ANO10: variants seen among roughly 807,000 people sequenced by gnomAD.
ANO10 encodes anoctamin 10.
In ANO10, 77 loss-of-function variants were observed where a neutral mutation model predicts 74.7. That is an observed-to-expected ratio of 1.03 (90% CI 0.86 to 1.25). The LOEUF (loss-of-function observed/expected upper bound fraction) is 1.25. Among genes scored for constraint, ANO10 ranks in the 50% most tolerant of loss-of-function variants. ANO10 has a pLI of 0.00. For synonymous variants in ANO10, 279 were observed against 284.9 expected (o/e 0.98, Z 0.21); for missense variants, 721 against 778.1 (o/e 0.93, Z 0.87).
intron 11 of ANO10, among the ~76,000 whole-genome samples, chr3:43,480,709 G>A (rs1260023190): frequency 6.6e-6 from 1 of 152,160 alleles, no homozygotes; most frequent in Non-Finnish European, 1.5e-5. Flanking sequence ...CAGTCTGGAG[G>A]TGAACTGCCC....
At chr3:43,653,962 C>T (rs1467797876) in intron 1 of ANO10, among the ~76,000 whole-genome samples, 2 of 151,394 alleles carry the variant, frequency 1.3e-5, no homozygotes, top group Admixed American at 1.3e-4. Context: ...GAAGCATCAC[C>T]TCCTTTTTCT....
intron 5 of ANO10, 52 bp downstream of exon 5, chr3:43,580,301 C>A: frequency 1.2e-6 from 2 of 1,611,620 alleles, no homozygotes; most frequent in South Asian, 2.2e-5. Flanking sequence ...TAGATCGTAA[C>A]TTTTCATCAG....
At chr3:43,684,789 G>A (rs1013928473) in intron 1 of ANO10, among the ~76,000 whole-genome samples, 1 of 152,160 alleles carries the variant, frequency 6.6e-6, no homozygotes, top group Non-Finnish European at 1.5e-5. Flanking sequence ...TAGGGACATG[G>A]ATGAAGCTGG....
At chr3:43,524,036 C>T (rs572939562) in intron 11 of ANO10, among the ~76,000 whole-genome samples, 5 of 152,068 alleles carry the variant, frequency 3.3e-5, no homozygotes, top group African/African-American at 4.8e-5. Flanking sequence ...CACCTAGGGG[C>T]TACACCTGGA....
chr3:43,416,901 T>A (rs185721053), intron 12 of ANO10, among the ~76,000 whole-genome samples: 109 of 152,344 alleles, frequency 7.2e-4, no homozygotes, highest in African/African-American at 2.5e-3. Context: ...ATCCACTCTG[T>A]GTACCTAACA....
intron 11 of ANO10, among the ~76,000 whole-genome samples, chr3:43,479,687 T>C (rs2076195066): frequency 6.6e-6 from 1 of 152,190 alleles, no homozygotes; most frequent in Non-Finnish European, 1.5e-5. Flanking sequence ...GACTTCTGGA[T>C]TAAACAGATG....
chr3:43,438,273 A>G (rs367717099), intron 11 of ANO10, among the ~76,000 whole-genome samples: 2 of 152,124 alleles, frequency 1.3e-5, no homozygotes, highest in Non-Finnish European at 2.9e-5. Context: ...CTCTACAAAA[A>G]TAAAAATAAA....
At position 43,432,610 on chromosome 3, in the gene ANO10, C is replaced by A; in HGVS notation, c.1914+1G>T. ...TACATTTTCAGGACAGCTGCTCTCACCTGCTGCTTGAGTGCCTCCAAAGAC... is the reference window on the plus strand; with the variant it reads ...TACATTTTCAGGACAGCTGCTCTCAACTGCTGCTTGAGTGCCTCCAAAGAC... On this transcript the variant is annotated splice_donor_variant, in intron 12 of 12. Coordinates refer to ENST00000292246, the MANE Select transcript of ANO10 (RefSeq NM_018075.5). LOFTEE classifies it high-confidence loss of function. 1.2e-6 allele frequency: 2 copies of A among 1,601,976 alleles called. No homozygotes were observed. Among genetic ancestry groups the A allele is most frequent in the Non-Finnish European group, 1.7e-6 (2 of 1,168,932 alleles).
rs34174829 is a variant in ANO10 at position 43,406,905 on chromosome 3, A to ATT, written c.1914+25704_1914+25705dup. 3.5e-5 allele frequency among the ~76,000 whole-genome samples: 5 copies of ATT among 143,322 alleles called. 1 individual carries two copies. Among genetic ancestry groups the ATT allele is most frequent in the African/African-American group, 7.7e-5 (3 of 38,932 alleles). 94.0% of individuals were successfully genotyped at this position (143,322 alleles called of 152,430 possible). Reference sequence around the variant, plus strand: ...GTGCACGCTGAGTCTCGCAACAGAGATTTTTTTTTTTTTTTTGAGAGGGAA... The same window carrying ATT: ...GTGCACGCTGAGTCTCGCAACAGAGATTTTTTTTTTTTTTTTTTGAGAGGGAA... On this transcript the variant is annotated intron_variant, in intron 12 of 12. Coordinates refer to ENST00000292246, the MANE Select transcript of ANO10 (RefSeq NM_018075.5).
intron 11 of ANO10, among the ~76,000 whole-genome samples, chr3:43,511,045 A>G (rs948336807): frequency 1.3e-5 from 2 of 152,240 alleles, no homozygotes; most frequent in Non-Finnish European, 2.9e-5. Flanking sequence ...AGTTTGATTA[A>G]TGTGTCCAAT....
At chr3:43,375,472 A>G (rs150847340) in intron 12 of ANO10, among the ~76,000 whole-genome samples, 2 of 152,316 alleles carry the variant, frequency 1.3e-5, no homozygotes, top group African/African-American at 4.8e-5. Context: ...CAAGTTTTAA[A>G]AAATATCCAG....
chr3:43,598,783 A>G (rs1230539477), intron 3 of ANO10, 117 bp from the exon 4 acceptor site: 2 of 826,504 alleles, frequency 2.4e-6, no homozygotes, highest in African/African-American at 3.5e-5. Flanking sequence ...AGAAGTAATC[A>G]AAGTATGAAG....
At chr3:43,598,432 T>G in intron 4 of ANO10, 100 bp downstream of exon 4, 1 of 1,164,490 alleles carries the variant, frequency 8.6e-7, no homozygotes, top group African/African-American at 1.5e-5. Context: ...ATACAAGTTA[T>G]TGTAAGTTTG....
intron 12 of ANO10, among the ~76,000 whole-genome samples, chr3:43,380,047 C>A (rs1478707839): frequency 6.6e-6 from 1 of 152,178 alleles, no homozygotes; most frequent in Non-Finnish European, 1.5e-5. Context: ...GCAAAATGCA[C>A]TGGAAGTCTC....
chr3:43,495,386 T>C (rs1040777665), intron 11 of ANO10, among the ~76,000 whole-genome samples: 1 of 151,994 alleles, frequency 6.6e-6, no homozygotes, highest in Admixed American at 6.6e-5. Flanking sequence ...ACTTGGGTTA[T>C]ATAAAAAATG....
chr3:43,414,695 G>T (rs1490511142), intron 12 of ANO10, among the ~76,000 whole-genome samples: 1 of 152,138 alleles, frequency 6.6e-6, no homozygotes, highest in Admixed American at 6.5e-5. Flanking sequence ...CAGAAAGCAC[G>T]TAATTTTCCA....
intron 11 of ANO10, chr3:43,484,849 CG>C (rs1018510905): frequency 3.6e-6 from 2 of 548,986 alleles, no homozygotes; most frequent in African/African-American, 3.9e-5. Flanking sequence ...ATCATGGAGG[CG>C]GGGCTGTGTT....
chr3:43,669,686 T>G (rs1383366886), intron 1 of ANO10, among the ~76,000 whole-genome samples: 2 of 152,070 alleles, frequency 1.3e-5, no homozygotes, highest in East Asian at 3.9e-4. Flanking sequence ...ATCTTTATAT[T>G]TTGGACCGGA....
At chr3:43,648,054 A>G (rs1207370064) in intron 1 of ANO10, among the ~76,000 whole-genome samples, 2 of 152,194 alleles carry the variant, frequency 1.3e-5, no homozygotes, top group East Asian at 3.8e-4. Flanking sequence ...TACTTGTTAC[A>G]GCCAGGCTGA....
Sources: gnomAD v4.1 joint callset for allele counts (sites outside exome capture counted in the v4.1 genomes callset) on GRCh38, gnomAD v4.1.1 for gene constraint, MANE v1.5 for transcripts, NCBI Gene and HGNC (gene_info 2026-07-23, HGNC 2026-07-21) for gene names.